The following RPS6KB1 variants were observed in gnomAD, a reference collection of about 807,000 sequenced individuals.
RPS6KB1 encodes the protein ribosomal protein S6 kinase B1, also known as ribosomal protein S6 kinase beta-1.
RPS6KB1 carries 12 observed loss-of-function variants against 70.2 expected under a neutral mutation model. That is an observed-to-expected ratio of 0.17 (90% CI 0.11 to 0.28). The LOEUF (loss-of-function observed/expected upper bound fraction) is 0.28. Ranked by LOEUF, RPS6KB1 falls within the 10% of genes least tolerant of loss-of-function variation. The pLI is 1.00. For missense variants in RPS6KB1, 270 were observed against 646.6 expected (o/e 0.42, Z 6.32); for synonymous variants, 175 against 211.2 (o/e 0.83, Z 1.49).
In RPS6KB1 at chr17:59,893,466, G is replaced by A. The variant is rs919822034; in HGVS notation, c.141+141G>A. 1.1e-6 allele frequency: 1 copy of A among 873,200 alleles called. No homozygotes were observed. Among genetic ancestry groups the A allele is most frequent in the Admixed American group, 2.9e-5 (1 of 35,008 alleles). The allele number at this position is 873,200 out of a possible 1,614,324, so 54.1% of individuals were successfully genotyped here. On this transcript the variant is annotated intron_variant, in intron 1 of 14. Coordinates refer to ENST00000225577, the MANE Select transcript of RPS6KB1 (RefSeq NM_003161.4). The surrounding 1 kb of genome is among the most constrained non-coding windows in gnomAD (Gnocchi z 4.1). ...GGGTCGCGCGGCCTGAGACAGGGGAGCGGGCGGGGCGGTCATGGCCCTAGG... is the reference window on the plus strand; with the variant it reads ...GGGTCGCGCGGCCTGAGACAGGGGAACGGGCGGGGCGGTCATGGCCCTAGG...
chr17:59,927,591 C>T (rs2043688323), intron 5 of RPS6KB1, among the ~76,000 whole-genome samples: 1 of 149,530 alleles, frequency 6.7e-6, no homozygotes, highest in Non-Finnish European at 1.5e-5. Flanking sequence ...ACTGCAACTT[C>T]CGCCTCCCAG....
At chr17:59,911,507 C>T (rs1442499809) in intron 2 of RPS6KB1, among the ~76,000 whole-genome samples, 1 of 149,542 alleles carries the variant, frequency 6.7e-6, no homozygotes, top group Non-Finnish European at 1.5e-5. Context: ...ACTACAGGAG[C>T]GCACCACCAC....
intron 12 of RPS6KB1, among the ~76,000 whole-genome samples, chr17:59,938,189 G>GC (rs1196833627): frequency 2.1e-5 from 3 of 143,242 alleles, no homozygotes; most frequent in African/African-American, 2.6e-5. Context: ...TTTTTTGGGG[G>GC]GGGGATAGGG....
chr17:59,911,459 C>T (rs1436428791), intron 2 of RPS6KB1, among the ~76,000 whole-genome samples: 15 of 151,330 alleles, frequency 9.9e-5, no homozygotes, highest in Admixed American at 9.9e-4. Context: ...CTCCTGGGTT[C>T]AAGCGATTGT....
chr17:59,910,431 G>A (rs1401754333), intron 1 of RPS6KB1, 131 bp from the exon 2 acceptor site: 3 of 583,034 alleles, frequency 5.1e-6, no homozygotes, highest in Non-Finnish European at 8.9e-6. Flanking sequence ...ATATTTGCCT[G>A]TTGTTGAAGT....
intron 4 of RPS6KB1, among the ~76,000 whole-genome samples, chr17:59,925,930 G>T (rs1028811484): frequency 1.3e-5 from 2 of 152,074 alleles, no homozygotes; most frequent in Non-Finnish European, 2.9e-5. Flanking sequence ...ACAGACATGA[G>T]CCACCACGTC....
intron 3 of RPS6KB1, 61 bp downstream of exon 3, chr17:59,912,865 C>T: frequency 6.4e-7 from 1 of 1,551,860 alleles, no homozygotes; most frequent in Non-Finnish European, 8.9e-7. Context: ...TTTTTATGCC[C>T]TGGTTCCAGC....
At chr17:59,896,345 C>T (rs1030724642) in intron 1 of RPS6KB1, among the ~76,000 whole-genome samples, 3 of 152,138 alleles carry the variant, frequency 2.0e-5, no homozygotes, top group African/African-American at 7.2e-5. Context: ...AGGCACCCGC[C>T]ACCAGGCCCG....
intron 1 of RPS6KB1, among the ~76,000 whole-genome samples, chr17:59,903,798 T>C (rs1009769322): frequency 2.0e-5 from 3 of 152,228 alleles, no homozygotes; most frequent in African/African-American, 7.2e-5. Flanking sequence ...ACTAATGATG[T>C]TGAACATCTT....
chr17:59,911,201 A>C, intron 2 of RPS6KB1, among the ~76,000 whole-genome samples: 1 of 152,234 alleles, frequency 6.6e-6, no homozygotes, highest in East Asian at 1.9e-4. Context: ...TGTAATCTTA[A>C]GTCATTTTAG....
intron 5 of RPS6KB1, among the ~76,000 whole-genome samples, chr17:59,929,446 G>A (rs2043813586): frequency 6.6e-6 from 1 of 152,184 alleles, no homozygotes; most frequent in Admixed American, 6.5e-5. Context: ...ACAATTAATT[G>A]TGATGTTTGC....
intron 4 of RPS6KB1, among the ~76,000 whole-genome samples, chr17:59,915,802 T>TTTTG (rs2042926033): frequency 1.4e-5 from 2 of 143,202 alleles, no homozygotes; most frequent in Non-Finnish European, 3.0e-5. Flanking sequence ...TTTTTTTTAT[T>TTTTG]GTGACAGAGT....
At position 59,934,908 on chromosome 17, in the gene RPS6KB1, C is replaced by T. The variant is rs975916330; in HGVS notation, c.871-285C>T. 72 of 358,510 alleles carry T rather than the reference C, an allele frequency of 2.0e-4. No individual in the cohort carries two copies. Among genetic ancestry groups the T allele is most frequent in the Middle Eastern group, 8.2e-4 (1 of 1,222 alleles). The allele number at this position is 358,510 out of a possible 1,614,324, so 22.2% of individuals were successfully genotyped here. On this transcript the variant is annotated intron_variant, in intron 9 of 14. Coordinates refer to ENST00000225577, the MANE Select transcript of RPS6KB1 (RefSeq NM_003161.4). The surrounding 1 kb of genome is among the most constrained non-coding windows in gnomAD (Gnocchi z 4.8). ...TGTTGCTTAAAAACTGCACGTCTGC[C>T]GGCCACAGTGGTGCATGCCTGTAGC...
At chr17:59,917,340 T>C (rs960510128) in intron 4 of RPS6KB1, among the ~76,000 whole-genome samples, 1 of 152,042 alleles carries the variant, frequency 6.6e-6, no homozygotes, top group African/African-American at 2.4e-5. Context: ...GGTGTTGAAC[T>C]CCTGGGCTCA....
At chr17:59,901,441 G>T (rs1210091061) in intron 1 of RPS6KB1, among the ~76,000 whole-genome samples, 2 of 149,848 alleles carry the variant, frequency 1.3e-5, no homozygotes, top group East Asian at 4.1e-4. Context: ...GAGCCACCGC[G>T]CCTGGCCGAG....
chr17:59,898,161 G>C (rs1459741709), intron 1 of RPS6KB1, among the ~76,000 whole-genome samples: 1 of 151,998 alleles, frequency 6.6e-6, no homozygotes, highest in East Asian at 1.9e-4. Flanking sequence ...AAAAATGTTG[G>C]AATCTTCTCT....
At chr17:59,920,457 T>C (rs1419278736) in intron 4 of RPS6KB1, among the ~76,000 whole-genome samples, 4 of 152,216 alleles carry the variant, frequency 2.6e-5, no homozygotes, top group African/African-American at 9.6e-5. Context: ...GACTCCTCAG[T>C]TTGAAAGCTG....
intron 1 of RPS6KB1, among the ~76,000 whole-genome samples, chr17:59,900,879 C>T (rs531472266): frequency 4.0e-5 from 6 of 151,738 alleles, no homozygotes; most frequent in South Asian, 4.2e-4. Flanking sequence ...TTTTACCACT[C>T]GGCCGGGCGC....
chr17:59,924,210 T>C (rs1458882031), intron 4 of RPS6KB1, among the ~76,000 whole-genome samples: 1 of 152,082 alleles, frequency 6.6e-6, no homozygotes, highest in African/African-American at 2.4e-5. Context: ...GTGCCTGTAG[T>C]CCCAGCTACT....
Sources: gnomAD v4.1 joint callset for allele counts (sites outside exome capture counted in the v4.1 genomes callset) on GRCh38, gnomAD v4.1.1 for gene constraint, Gnocchi (gnomAD v3.1) non-coding constraint, MANE v1.5 for transcripts, NCBI Gene and HGNC (gene_info 2026-07-23, HGNC 2026-07-21) for gene names.